The following FAM118B variants were observed in gnomAD, a reference collection of about 807,000 sequenced individuals.
FAM118B encodes protein FAM118B.
A neutral mutation model predicts 38.5 loss-of-function variants in FAM118B; 24 were observed. The observed-to-expected ratio is 0.62, with a 90% CI of 0.45 to 0.88. FAM118B has a LOEUF of 0.88. Among genes scored for constraint, FAM118B ranks in the 40% least tolerant of loss-of-function variants. The probability of loss-of-function intolerance (pLI) is 0.00; values close to 1 mark genes in which losing one functional copy is unlikely to be tolerated. For synonymous variants in FAM118B, 138 were observed against 156.3 expected, an observed-to-expected ratio of 0.88 and a Z score of 0.87; for missense variants, 334 against 420.0, an observed-to-expected ratio of 0.80 and a Z score of 1.79.
rs537646248 is a variant in FAM118B, at chr11:126,219,312, G to A, written c.-77+7482G>A. Reference sequence around the variant, plus strand: ...AAAGCACAGATTTCTTGTTTTCCTCGTTTATTTTGGAAGCTTATCCTTCAG... The same window carrying A: ...AAAGCACAGATTTCTTGTTTTCCTCATTTATTTTGGAAGCTTATCCTTCAG... On this transcript the variant is annotated intron_variant, in intron 1 of 8. Coordinates refer to ENST00000533050, the MANE Select transcript of FAM118B (RefSeq NM_024556.4). 1.0e-4 allele frequency among the ~76,000 whole-genome samples: 11 copies of A among 108,742 alleles called. No homozygotes were observed. In the South Asian group the frequency reaches 2.1e-3, roughly 21 times the overall value. The allele number at this position is 108,742 out of a possible 152,430, so 71.3% of individuals were successfully genotyped here.
At chr11:126,243,088 A>G (rs1303209441) in intron 4 of FAM118B, among the ~76,000 whole-genome samples, 3 of 152,238 alleles carry the variant, frequency 2.0e-5, no homozygotes, top group Non-Finnish European at 4.4e-5. Flanking sequence ...ATTAAGTAAA[A>G]GAAGCCAGAC....
At chr11:126,251,817 G>C (rs1950508237) in intron 5 of FAM118B, among the ~76,000 whole-genome samples, 1 of 151,354 alleles carries the variant, frequency 6.6e-6, no homozygotes, top group Non-Finnish European at 1.5e-5. Flanking sequence ...TGAGTAGCTG[G>C]GATTACAGGC....
chr11:126,226,403 G>T (rs367827396), intron 1 of FAM118B, among the ~76,000 whole-genome samples: 1 of 4,888 alleles, frequency 2.0e-4, no homozygotes, highest in East Asian at 5.8e-3. Flanking sequence ...GGAACGTGGC[G>T]CAAGTTCCTA....
rs754411762 is a variant in FAM118B, at chr11:126,250,577, G to T, written c.411G>T (p.Lys137Asn). 5 of 1,614,168 alleles carry T rather than the reference G, an allele frequency of 3.1e-6. No homozygotes were observed. Among genetic ancestry groups the T allele is most frequent in the Non-Finnish European group, 4.2e-6 (5 of 1,180,008 alleles). ...AAGTATTTGATGACTTGGAGTCAAA[G>T]ATGGAAGATTCTGGAAAACAGCTAC... ...LYEVFDDLESKMEDSGKQLLQ... is the reference protein window; with the variant it reads ...LYEVFDDLESNMEDSGKQLLQ... The change falls in exon 5 of 9, where the codon AAG (lysine) becomes AAT (asparagine). Residue 137 changes from lysine to asparagine, a missense_variant. Lys to Asn is a moderately conservative substitution (Grantham distance 94). Around this residue, in one of 3 missense-constraint regions of FAM118B, gnomAD observed 240 missense variants for 295.9 expected, o/e 0.81. Coordinates refer to ENST00000533050, the MANE Select transcript of FAM118B (RefSeq NM_024556.4). The surrounding 1 kb of genome is among the most constrained non-coding windows in gnomAD (Gnocchi z 5.1).
At position 126,262,222 on chromosome 11, in the gene FAM118B, A is replaced by C. The variant is rs1390255596; in HGVS notation, c.*89A>C. ...ACAAGTAAACTTACAAGAACCCAAC[A>C]CAATTCCCAGAAAGTAACAATAGCC... is the stretch of plus-strand genomic sequence containing the variant. On this transcript the variant is annotated 3_prime_UTR_variant, in exon 9 of 9. Coordinates refer to ENST00000533050, the MANE Select transcript of FAM118B (RefSeq NM_024556.4). 3 of 1,423,024 alleles carry C rather than the reference A, an allele frequency of 2.1e-6. No homozygotes were observed. Among genetic ancestry groups the C allele is most frequent in the Non-Finnish European group, 2.0e-6 (2 of 1,011,262 alleles). The allele number at this position is 1,423,024 out of a possible 1,614,324, so 88.1% of individuals were successfully genotyped here.
intron 7 of FAM118B, among the ~76,000 whole-genome samples, chr11:126,260,196 CT>C (rs1393362584): frequency 6.6e-6 from 1 of 151,914 alleles, no homozygotes; most frequent in Non-Finnish European, 1.5e-5. Context: ...CAATGCCCAG[CT>C]AATTTTTGTA....
At chr11:126,234,280 C>G (rs188096777) in intron 2 of FAM118B, among the ~76,000 whole-genome samples, 7 of 152,240 alleles carry the variant, frequency 4.6e-5, no homozygotes, top group African/African-American at 1.7e-4. Flanking sequence ...ACAAGTTTGC[C>G]AAAGTTTGAG....
At chr11:126,241,346 G>C in intron 4 of FAM118B, 1 of 249,994 alleles carries the variant, frequency 4.0e-6, no homozygotes, top group Non-Finnish European at 7.6e-6. Flanking sequence ...TACTATAAAA[G>C]CTGTGTTCTG....
At chr11:126,217,423 A>C (rs1565323802) in intron 1 of FAM118B, among the ~76,000 whole-genome samples, 1 of 152,174 alleles carries the variant, frequency 6.6e-6, no homozygotes. Context: ...TTATGTACTT[A>C]CACCTCTGTC....
chr11:126,230,963 A>G (rs769120342), intron 2 of FAM118B, among the ~76,000 whole-genome samples: 8 of 152,034 alleles, frequency 5.3e-5, no homozygotes, highest in Non-Finnish European at 8.8e-5. Flanking sequence ...CCTTTACCAT[A>G]TTTCTTCTGG....
In FAM118B at chr11:126,250,755, C is replaced by A. The variant is rs751984388; in HGVS notation, c.567+22C>A. 2 of 1,537,902 alleles carry A rather than the reference C, an allele frequency of 1.3e-6. No individual in the cohort carries two copies. Among genetic ancestry groups the A allele is most frequent in the Admixed American group, 3.4e-5 (2 of 58,468 alleles). On this transcript the variant is annotated intron_variant, in intron 5 of 8. Transcript: ENST00000533050. The surrounding 1 kb of genome is among the most constrained non-coding windows in gnomAD (Gnocchi z 5.1). ...AAAGGTAAAAAGTAAAGCATTGGTC[C>A]CTTCTTCAGGCTAGTGGATTTTATC...
At chr11:126,239,980 A>C (rs947989119) in intron 3 of FAM118B, among the ~76,000 whole-genome samples, 3 of 152,152 alleles carry the variant, frequency 2.0e-5, no homozygotes, top group African/African-American at 7.2e-5. Context: ...TTAGACAAAA[A>C]GGTTGGGGAG....
chr11:126,250,631 TG>T lies in FAM118B; in HGVS notation c.467del (p.Gly156GlufsTer5). On this transcript the variant is annotated frameshift_variant, in exon 5 of 9. Transcript: ENST00000533050. LOFTEE classifies it high-confidence loss of function. The surrounding 1 kb of genome is among the most constrained non-coding windows in gnomAD (Gnocchi z 5.1). ...AGTCAGTTCTCCACCTGATGGAAAA[TG>T]GAGCCCTCGTATTAACTACAAATTT... Reference protein sequence around the residue: ...LQSVLHLMENGALVLTTNFDN... With the variant: ...LQSVLHLMENXALVLTTNFDN... 6.2e-7 allele frequency: 1 copy of T among 1,614,156 alleles called. No homozygotes were observed. Among genetic ancestry groups the T allele is most frequent in the Admixed American group, 1.7e-5 (1 of 60,018 alleles).
rs137943211 is a variant in FAM118B at position 126,236,773 on chromosome 11, C to G, written c.86+1686C>G. Among the ~76,000 whole-genome samples the G allele has an allele frequency of 3.1e-3, 455 of 145,218 alleles. 2 individuals carry two copies. The highest frequency in any genetic ancestry group is 0.011 in the African/African-American group (438 of 39,296). On this transcript the variant is annotated intron_variant, in intron 3 of 8. Transcript: ENST00000533050. ...TGTGTTGCTTTATTTTTTTCCCCCC[C>G]ATTTCGTTTTCTTAAATTTAGCTTT... is the stretch of plus-strand genomic sequence containing the variant.
rs71048776 is a variant in FAM118B, at chr11:126,250,092, ATT to A, written c.340-398_340-397del. ...AGATAGATAATATTTTATCCCCGGGATTTTTTTTTTTTTTTTTGAGATGGAGT... is the reference window on the plus strand; with the variant it reads ...AGATAGATAATATTTTATCCCCGGGATTTTTTTTTTTTTTTGAGATGGAGT... On this transcript the variant is annotated intron_variant, in intron 4 of 8. Transcript: ENST00000533050. The surrounding 1 kb of genome is among the most constrained non-coding windows in gnomAD (Gnocchi z 5.1). 1.8e-3 allele frequency among the ~76,000 whole-genome samples: 234 copies of A among 131,798 alleles called. No homozygotes were observed. Among genetic ancestry groups the A allele is most frequent in the Admixed American group, 2.1e-3 (27 of 12,632 alleles). The allele number at this position is 131,798 out of a possible 152,430, so 86.5% of individuals were successfully genotyped here.
At chr11:126,261,165 A>ATGTAAAG (rs1950688788) in intron 7 of FAM118B, 1 of 455,812 alleles carries the variant, frequency 2.2e-6, no homozygotes, top group South Asian at 3.6e-5. Context: ...GAAATGTAAA[A>ATGTAAAG]TGTAAAATGT....
chr11:126,226,560 T>TC (rs1452590538), intron 1 of FAM118B, among the ~76,000 whole-genome samples: 3 of 152,236 alleles, frequency 2.0e-5, no homozygotes, highest in Non-Finnish European at 2.9e-5. Flanking sequence ...TTTCTCTCCT[T>TC]CCCCCCGGCA....
At position 126,261,526 on chromosome 11, in the gene FAM118B, A is replaced by G. The variant is rs913846754; in HGVS notation, c.1042+42A>G. On this transcript the variant is annotated intron_variant, in intron 8 of 8. Transcript: ENST00000533050. ...TCTACTATTTATCACTCTGTAGCAG[A>G]AAGTCTTTCTAGGTCCTTGGTTAAG... 9.8e-6 allele frequency: 15 copies of G among 1,536,994 alleles called. No individual in the cohort carries two copies. In the Middle Eastern group the frequency reaches 1.4e-3, roughly 139 times the overall value.
rs1006704001 is a variant in FAM118B, at chr11:126,262,887, G to A, written c.*754G>A. ...TAGAACTACAGTTAAGTGTGTTGTG[G>A]AATTTTAGTTTTGAATCCTGTATAA... On this transcript the variant is annotated 3_prime_UTR_variant, in exon 9 of 9. Transcript: ENST00000533050. The A allele has an allele frequency of 1.3e-5, 2 of 152,558 alleles. No individual in the cohort carries two copies. The highest frequency in any genetic ancestry group is 1.3e-4 in the Admixed American group (2 of 15,266). The allele number at this position is 152,558 out of a possible 1,614,324, so 9.5% of individuals were successfully genotyped here.
Sources: allele counts gnomAD v4.1 joint callset (sites outside exome capture counted in the v4.1 genomes callset), GRCh38; gene constraint gnomAD v4.1.1; regional missense constraint gnomAD v4.1.1; non-coding constraint Gnocchi (gnomAD v3.1); transcripts MANE v1.5; gene names NCBI Gene and HGNC (gene_info 2026-07-23, HGNC 2026-07-21).